Variants in TFRC observed in about 807,000 individuals in gnomAD.
TFRC encodes transferrin receptor, also known as transferrin receptor protein 1.
Under a neutral mutation model 85.8 loss-of-function variants are expected in TFRC, and 35 were observed. The ratio of observed to expected loss-of-function variants is 0.41; its 90% CI spans 0.31 to 0.54. The LOEUF (loss-of-function observed/expected upper bound fraction) is 0.54, where lower values mean the gene tolerates loss of function less well. TFRC is among the 20% of genes least tolerant of loss of function. TFRC has a pLI of 0.31. For missense variants in TFRC, 828 were observed against 921.5 expected, an observed-to-expected ratio of 0.90 and a Z score of 1.31; for synonymous variants, 362 against 328.6, an observed-to-expected ratio of 1.10 and a Z score of -1.10.
chr3:196,078,758 A>G (rs1196888212), intron 1 of TFRC, among the ~76,000 whole-genome samples: 5 of 152,094 alleles, frequency 3.3e-5, no homozygotes, highest in African/African-American at 7.2e-5. Context: ...GCAATAGACC[A>G]TATTCTTAGA....
rs199781914 is a variant in TFRC, at chr3:196,060,261, G to C, written c.1469-14C>G. The C allele has an allele frequency of 1.9e-6, 3 of 1,611,566 alleles. No homozygotes were observed. Among genetic ancestry groups the C allele is most frequent in the Non-Finnish European group, 2.5e-6 (3 of 1,178,006 alleles). On this transcript the variant is annotated splice_polypyrimidine_tract_variant and intron_variant, in intron 13 of 18. Transcript: ENST00000360110. ...AGTTGCTGGTACCTGAAAATAAATT[G>C]TTTTATCATTGCCCCTTCTCCATTC... is the stretch of plus-strand genomic sequence containing the variant.
chr3:196,070,405 C>T (rs1036102087), intron 6 of TFRC, among the ~76,000 whole-genome samples: 2 of 152,048 alleles, frequency 1.3e-5, no homozygotes, highest in Non-Finnish European at 2.9e-5. Flanking sequence ...GCTGGGATTA[C>T]AGGCACCCAC....
At chr3:196,057,012 G>A (rs1359345151) in intron 16 of TFRC, among the ~76,000 whole-genome samples, 1 of 152,140 alleles carries the variant, frequency 6.6e-6, no homozygotes, top group East Asian at 1.9e-4. Flanking sequence ...AGCAGAGACG[G>A]GGTTTCACCA....
At chr3:196,065,803 G>A (rs1391536158) in intron 9 of TFRC, among the ~76,000 whole-genome samples, 8 of 151,802 alleles carry the variant, frequency 5.3e-5, no homozygotes, top group East Asian at 1.9e-4. Context: ...CAGCCTGACC[G>A]ACATGGTGAA....
At chr3:196,078,302 C>T (rs975602007) in intron 1 of TFRC, among the ~76,000 whole-genome samples, 8 of 152,104 alleles carry the variant, frequency 5.3e-5, no homozygotes, top group Non-Finnish European at 7.4e-5. Context: ...ACACACACGG[C>T]ACAAAGCAAG....
intron 7 of TFRC, among the ~76,000 whole-genome samples, chr3:196,068,610 CAAAAAAAAAAA>C (rs55807772): frequency 4.8e-5 from 2 of 41,816 alleles, no homozygotes; most frequent in African/African-American, 2.2e-4. Flanking sequence ...AACTCCCTCT[CAAAAAAAAAAA>C]AAAAAAAAAA....
intron 11 of TFRC, among the ~76,000 whole-genome samples, chr3:196,063,979 A>T (rs1717501190): frequency 6.6e-6 from 1 of 152,218 alleles, no homozygotes; most frequent in African/African-American, 2.4e-5. Flanking sequence ...GCCTCAGTAC[A>T]TGAGTAGAGA....
At chr3:196,062,756 CA>C (rs1308503552) in intron 12 of TFRC, 97 bp downstream of exon 12, 35 of 1,555,654 alleles carry the variant, frequency 2.2e-5, no homozygotes, top group Non-Finnish European at 3.0e-5. Context: ...AACGCAAAGG[CA>C]AAAGTGGTAA....
chr3:196,068,015 C>A lies in TFRC; in HGVS notation c.900+17G>T, dbSNP rs770607619. ...TCAAGGAACTCAAAACGGTGATTTA[C>A]TCAAGAAATAACTCACATGTCCAAA... On this transcript the variant is annotated intron_variant, in intron 8 of 18. Transcript: ENST00000360110. 1 of 1,598,044 alleles carries A rather than the reference C, an allele frequency of 6.3e-7. No homozygotes were observed. The highest frequency in any genetic ancestry group is 1.1e-5 in the South Asian group (1 of 89,490).
At chr3:196,064,589 CAT>C (rs1398938080) in intron 10 of TFRC, among the ~76,000 whole-genome samples, 161 bp from the exon 11 acceptor site, 3 of 152,214 alleles carry the variant, frequency 2.0e-5, no homozygotes, top group East Asian at 1.9e-4. Context: ...TAAAAATTCA[CAT>C]GAGAATATTA....
chr3:196,058,690 A>G (rs756083059), intron 14 of TFRC, 58 bp from the exon 15 acceptor site: 5 of 1,226,172 alleles, frequency 4.1e-6, no homozygotes, highest in Non-Finnish European at 5.8e-6. Context: ...TATTCAGGCT[A>G]GTCACTAACA....
rs752438062 is a variant in TFRC, at chr3:196,073,975, T to G, written c.389A>C (p.Lys130Thr). Reference sequence around the variant, plus strand: ...TGTGCTGTCCAGTTTCTCCGACAACTTTCTCTTCAGGTCATCCCAATATAA... The same window carrying G: ...TGTGCTGTCCAGTTTCTCCGACAACGTTCTCTTCAGGTCATCCCAATATAA... ...RRLYWDDLKR[K>T]LSEKLDSTDF... Residue 130 changes from lysine (K) to threonine (T), a missense_variant, in exon 4 of 19, where the codon AAG becomes ACG. Transcript: ENST00000360110. 6.2e-7 allele frequency: 1 copy of G among 1,614,198 alleles called. No homozygotes were observed. The highest frequency in any genetic ancestry group is 1.1e-5 in the South Asian group (1 of 91,082).
chr3:196,068,248 C>T (rs1717894936), intron 7 of TFRC, 118 bp from the exon 8 acceptor site: 2 of 580,104 alleles, frequency 3.4e-6, no homozygotes, highest in African/African-American at 1.9e-5. Flanking sequence ...ATAATACTTC[C>T]AAATATTTCA....
intron 16 of TFRC, 192 bp downstream of exon 16, chr3:196,058,092 A>AGAATAATTAC: frequency 2.2e-6 from 1 of 451,232 alleles, no homozygotes; most frequent in East Asian, 3.7e-5. Context: ...TTGGTAGCCA[A>AGAATAATTAC]GAATAATTAC....
rs1468981312 is a variant in TFRC, at chr3:196,068,101, A to C, written c.831T>G (p.Ile277Met). ...TCTGGTCCATGTATATCAACACACC[A>C]ATTGCATTTAAGCTTTCAGCATTTG... ...KVANAESLNA[I>M]GVLIYMDQTK... Residue 277 changes from isoleucine (I) to methionine (M), a missense_variant, in exon 8 of 19, where the codon ATT becomes ATG. By Grantham distance (10) the Ile-to-Met change is conservative. Transcript: ENST00000360110. 1.2e-6 allele frequency: 2 copies of C among 1,612,926 alleles called. No individual in the cohort carries two copies. The highest frequency in any genetic ancestry group is 2.2e-5 in the South Asian group (2 of 90,638).
At position 196,065,604 on chromosome 3, in the gene TFRC, G is replaced by C. The variant is rs746620575; in HGVS notation, c.1041-4C>G. On this transcript the variant is annotated splice_polypyrimidine_tract_variant and splice_region_variant and intron_variant, in intron 9 of 18. Coordinates refer to ENST00000360110, the MANE Select transcript of TFRC (RefSeq NM_001128148.3). ...GGGACAGTCTCCTTCCATATTCCTAGAATCAGAAAGCAGGCGTAAGTTCTG... is the reference window on the plus strand; with the variant it reads ...GGGACAGTCTCCTTCCATATTCCTACAATCAGAAAGCAGGCGTAAGTTCTG... The C allele has an allele frequency of 6.3e-7, 1 of 1,596,632 alleles. No individual in the cohort carries two copies. The highest frequency in any genetic ancestry group is 1.8e-5 in the Admixed American group (1 of 56,298).
At chr3:196,070,400 G>A (rs1718089702) in intron 6 of TFRC, among the ~76,000 whole-genome samples, 1 of 152,016 alleles carries the variant, frequency 6.6e-6, no homozygotes, top group South Asian at 2.1e-4. Context: ...AAGTAGCTGG[G>A]ATTACAGGCA....
rs1310502711 is a variant in TFRC, at chr3:196,060,825, A to AAAAAAAT, written c.1469-579_1469-578insATTTTTT. Among the ~76,000 whole-genome samples, 82 of 141,124 alleles carry AAAAAAAT rather than the reference A, an allele frequency of 5.8e-4. 1 individual carries two copies. Among genetic ancestry groups the AAAAAAAT allele is most frequent in the South Asian group, 1.7e-3 (7 of 4,088 alleles). 92.6% of individuals were successfully genotyped at this position (141,124 alleles called of 152,430 possible). On this transcript the variant is annotated intron_variant, in intron 13 of 18. Transcript: ENST00000360110. ...AAAAAAAAAAAAAAAAAAAAAAAAA[A>AAAAAAAT]ATCAGACCAGTTTTAGGTTCAGCAG...
intron 16 of TFRC, among the ~76,000 whole-genome samples, chr3:196,055,886 G>T (rs1235532358): frequency 1.5e-5 from 2 of 132,014 alleles, no homozygotes; most frequent in African/African-American, 5.9e-5. Context: ...CACCCAGGCT[G>T]GAGTGCAGTG....
Sources: allele counts gnomAD v4.1 joint callset (sites outside exome capture counted in the v4.1 genomes callset), GRCh38; gene constraint gnomAD v4.1.1; transcripts MANE v1.5; gene names NCBI Gene and HGNC (gene_info 2026-07-23, HGNC 2026-07-21).